The following MGMT variants were observed in gnomAD, a reference collection of about 807,000 sequenced individuals.
MGMT encodes methylated-DNA--protein-cysteine methyltransferase.
In MGMT, 14 loss-of-function variants were observed where a neutral mutation model predicts 15.9. That is an observed-to-expected ratio of 0.88 (90% CI 0.58 to 1.37). The LOEUF (loss-of-function observed/expected upper bound fraction) is 1.37, where lower values mean the gene tolerates loss of function less well. Ranked by LOEUF, MGMT falls within the 40% of genes most tolerant of loss-of-function variation. The pLI, the probability that MGMT is intolerant of heterozygous loss-of-function variation, is 0.00. For synonymous variants in MGMT, 130 were observed against 118.2 expected (o/e 1.10, Z -0.65); for missense variants, 282 against 268.1 (o/e 1.05, Z -0.36).
intron 2 of MGMT, 130 bp from the exon 3 acceptor site, chr10:129,707,765 C>A: frequency 8.1e-7 from 1 of 1,234,480 alleles, no homozygotes. Flanking sequence ...TGCTGCACAG[C>A]TAGTTGAGAC....
At chr10:129,538,072 G>A (rs995747783) in intron 2 of MGMT, among the ~76,000 whole-genome samples, 4 of 152,008 alleles carry the variant, frequency 2.6e-5, no homozygotes, top group Non-Finnish European at 2.9e-5. Flanking sequence ...TAATTTTAGT[G>A]GGGGGAGCAT....
At chr10:129,660,240 T>A (rs1847580403) in intron 2 of MGMT, among the ~76,000 whole-genome samples, 1 of 152,146 alleles carries the variant, frequency 6.6e-6, no homozygotes, top group African/African-American at 2.4e-5. Context: ...GTAAATCTTT[T>A]TGCAGTTAAA....
At chr10:129,562,780 G>A (rs928831681) in intron 2 of MGMT, among the ~76,000 whole-genome samples, 1 of 152,158 alleles carries the variant, frequency 6.6e-6, no homozygotes, top group African/African-American at 2.4e-5. Context: ...CTTTGTAAAA[G>A]TGAAGTTAAC....
At chr10:129,752,097 G>A (rs1487325383) in intron 3 of MGMT, among the ~76,000 whole-genome samples, 1 of 151,862 alleles carries the variant, frequency 6.6e-6, no homozygotes, top group East Asian at 1.9e-4. Context: ...TTGAGAAAGA[G>A]GTGTTTAGGT....
intron 3 of MGMT, among the ~76,000 whole-genome samples, chr10:129,726,218 A>G (rs904687053): frequency 1.3e-5 from 2 of 152,088 alleles, no homozygotes. Flanking sequence ...CCAACAGCTG[A>G]TCCTTGGCAC....
chr10:129,641,782 C>T lies in MGMT; in HGVS notation c.126-66113C>T, dbSNP rs190692222. The stretch of plus-strand genomic sequence containing the variant: ...CGTACTCAGAATTAACTAACATAGT[C>T]TTCCTCCTAACTTCCCTGCATATTG... On this transcript the variant is annotated intron_variant, in intron 2 of 4. Coordinates refer to ENST00000651593, the MANE Select transcript of MGMT (RefSeq NM_002412.5). Among the ~76,000 whole-genome samples the T allele has an allele frequency of 2.0e-5, 3 of 152,306 alleles. No individual in the cohort carries two copies. The East Asian group carries it at 5.8e-4, about 29-fold the overall frequency.
chr10:129,535,129 T>C (rs542511680), intron 1 of MGMT, among the ~76,000 whole-genome samples: 2 of 152,272 alleles, frequency 1.3e-5, no homozygotes, highest in East Asian at 3.9e-4. Context: ...TTGTTCTCAG[T>C]GAACTTTGAG....
rs1011292217 is a variant in MGMT at position 129,770,334 on chromosome 10, G to A, written c.*3337G>A. Among the ~76,000 whole-genome samples the A allele has an allele frequency of 7.9e-5, 12 of 152,238 alleles. No individual in the cohort carries two copies. The highest frequency in any genetic ancestry group is 2.9e-4 in the African/African-American group (12 of 41,470). On this transcript the variant is annotated 3_prime_UTR_variant, in exon 5 of 5. Coordinates refer to ENST00000651593, the MANE Select transcript of MGMT (RefSeq NM_002412.5). ...TGGTGTGACCCGCTGGAGCCCTGTG[G>A]AGTGGCGGACTCTGGGGAGTAGCTG...
intron 2 of MGMT, among the ~76,000 whole-genome samples, chr10:129,668,879 T>C (rs1292358315): frequency 6.6e-6 from 1 of 152,192 alleles, no homozygotes; most frequent in African/African-American, 2.4e-5. Context: ...TTTTGAGTCA[T>C]CAAATCTGTA....
chr10:129,575,846 A>G lies in MGMT; in HGVS notation c.125+39469A>G, dbSNP rs1402770640. ...AAATAGACGCAATAAAAAATGACAAAGGGGATATCACCACCGATCCCACAG... is the reference window on the plus strand; with the variant it reads ...AAATAGACGCAATAAAAAATGACAAGGGGGATATCACCACCGATCCCACAG... On this transcript the variant is annotated intron_variant, in intron 2 of 4. Coordinates refer to ENST00000651593, the MANE Select transcript of MGMT (RefSeq NM_002412.5). Among the ~76,000 whole-genome samples, 5 of 152,120 alleles carry G rather than the reference A, an allele frequency of 3.3e-5. No individual in the cohort carries two copies. In the East Asian group the frequency reaches 9.6e-4, roughly 29 times the overall value.
At chr10:129,680,837 G>A (rs1389964016) in intron 2 of MGMT, among the ~76,000 whole-genome samples, 4 of 152,136 alleles carry the variant, frequency 2.6e-5, no homozygotes, top group Non-Finnish European at 4.4e-5. Context: ...GAGGGTAGAT[G>A]TGGGTGCCGG....
rs148731907 is a variant in MGMT at position 129,640,931 on chromosome 10, C to G, written c.126-66964C>G. Among the ~76,000 whole-genome samples, 675 of 152,228 alleles carry G rather than the reference C, an allele frequency of 4.4e-3. 1 individual carries two copies. Among genetic ancestry groups the G allele is most frequent in the Non-Finnish European group, 7.9e-3 (536 of 68,006 alleles). ...TCAAATACTTATTGCTGACATAATT[C>G]CTAATGATAAAAGATTGAATGTTTT... On this transcript the variant is annotated intron_variant, in intron 2 of 4. Transcript: ENST00000651593.
chr10:129,584,431 C>T (rs1342171647), intron 2 of MGMT, among the ~76,000 whole-genome samples: 3 of 127,130 alleles, frequency 2.4e-5, no homozygotes, highest in South Asian at 6.5e-4. Flanking sequence ...TTGTATAAGG[C>T]TTAATTTGTT....
chr10:129,755,325 C>G (rs967294420), intron 3 of MGMT, among the ~76,000 whole-genome samples: 1 of 152,222 alleles, frequency 6.6e-6, no homozygotes, highest in African/African-American at 2.4e-5. Flanking sequence ...TGGGGATTCC[C>G]CTTCCAGGCC....
At chr10:129,626,059 C>T (rs1564741092) in intron 2 of MGMT, among the ~76,000 whole-genome samples, 1 of 152,166 alleles carries the variant, frequency 6.6e-6, no homozygotes, top group Non-Finnish European at 1.5e-5. Context: ...CCTGAGGCTG[C>T]CTTCCTGGGC....
At chr10:129,617,594 A>AT (rs1266808189) in intron 2 of MGMT, among the ~76,000 whole-genome samples, 2 of 151,842 alleles carry the variant, frequency 1.3e-5, no homozygotes, top group Non-Finnish European at 2.9e-5. Context: ...GGCATCTGTT[A>AT]TTTTTTGACT....
intron 1 of MGMT, among the ~76,000 whole-genome samples, chr10:129,512,424 G>A (rs927328868): frequency 6.6e-6 from 1 of 152,068 alleles, no homozygotes; most frequent in Non-Finnish European, 1.5e-5. Context: ...ACCACCTGAG[G>A]CGTGTTCAAC....
At chr10:129,576,387 A>T (rs1564857530) in intron 2 of MGMT, among the ~76,000 whole-genome samples, 1 of 152,216 alleles carries the variant, frequency 6.6e-6, no homozygotes, top group Non-Finnish European at 1.5e-5. Flanking sequence ...CAATATACGC[A>T]AATCAATAAA....
At position 129,566,843 on chromosome 10, in the gene MGMT, G is replaced by A. The variant is rs751760011; in HGVS notation, c.125+30466G>A. 1.3e-5 allele frequency among the ~76,000 whole-genome samples: 2 copies of A among 152,136 alleles called. No homozygotes were observed. The highest frequency in any genetic ancestry group is 2.9e-5 in the Non-Finnish European group (2 of 68,040). The stretch of plus-strand genomic sequence containing the variant: ...AAGAGCTGCAGGCTGGGGAGCCCCC[G>A]TGGCGAACAGAGGCTCTAAGAGAGG... On this transcript the variant is annotated intron_variant, in intron 2 of 4. Coordinates refer to ENST00000651593, the MANE Select transcript of MGMT (RefSeq NM_002412.5). The surrounding 1 kb of genome is among the most constrained non-coding windows in gnomAD (Gnocchi z 4.1).
Sources: allele counts gnomAD v4.1 joint callset (sites outside exome capture counted in the v4.1 genomes callset), GRCh38; gene constraint gnomAD v4.1.1; non-coding constraint Gnocchi (gnomAD v3.1); transcripts MANE v1.5; gene names NCBI Gene and HGNC (gene_info 2026-07-23, HGNC 2026-07-21).